The following STARD13 variants were observed in gnomAD, a reference collection of about 807,000 sequenced individuals.
STARD13 encodes StAR related lipid transfer domain containing 13.
Under a neutral mutation model 106.4 loss-of-function variants are expected in STARD13, and 62 were observed. The observed-to-expected ratio is 0.58, with a 90% CI of 0.48 to 0.72. The LOEUF (loss-of-function observed/expected upper bound fraction) is 0.72. Among genes scored for constraint, STARD13 ranks in the 30% least tolerant of loss-of-function variants. The probability of loss-of-function intolerance (pLI) is 0.00; values close to 1 mark genes in which losing one functional copy is unlikely to be tolerated. For missense variants in STARD13, 1,387 were observed against 1,424.0 expected (o/e 0.97, Z 0.42); for synonymous variants, 565 against 553.0 (o/e 1.02, Z -0.31).
chr13:33,110,157 G>T, intron 11 of STARD13, 67 bp from the exon 12 acceptor site: 2 of 1,470,530 alleles, frequency 1.4e-6, no homozygotes, highest in Non-Finnish European at 9.3e-7. Flanking sequence ...TTTTTGTTTG[G>T]GCTTTTAGTT....
the STARD13 span, among the ~76,000 whole-genome samples, chr13:33,397,166 T>G: frequency 6.6e-6 from 1 of 152,294 alleles, no homozygotes; most frequent in East Asian, 1.9e-4. Context: ...GCAACAATTT[T>G]CCATTTCTCT....
chr13:33,423,348 C>T, the STARD13 span, among the ~76,000 whole-genome samples: 1 of 152,282 alleles, frequency 6.6e-6, no homozygotes, highest in Non-Finnish European at 1.5e-5. Context: ...AAAAAATGGT[C>T]ATCATCACTG....
the STARD13 span, among the ~76,000 whole-genome samples, chr13:33,626,898 T>G: frequency 6.6e-6 from 1 of 152,236 alleles, no homozygotes; most frequent in Admixed American, 6.5e-5. Flanking sequence ...AATGACAAGA[T>G]TTGTCCTGCA....
At chr13:33,557,706 C>T in the STARD13 span, among the ~76,000 whole-genome samples, 1 of 152,058 alleles carries the variant, frequency 6.6e-6, no homozygotes, top group Non-Finnish European at 1.5e-5. Flanking sequence ...AAGGGTGAGA[C>T]CTTTGTAGAA....
chr13:33,232,110 C>A (rs1444000543), intron 1 of STARD13, among the ~76,000 whole-genome samples: 1 of 152,112 alleles, frequency 6.6e-6, no homozygotes, highest in Admixed American at 6.5e-5. Flanking sequence ...GTCAGGAGTT[C>A]GAGGCCAGCC....
At chr13:33,132,327 G>T (rs926405945) in intron 4 of STARD13, among the ~76,000 whole-genome samples, 2 of 152,110 alleles carry the variant, frequency 1.3e-5, no homozygotes, top group Non-Finnish European at 2.9e-5. Context: ...TGAATCGTGG[G>T]GGTGGTTCCC....
chr13:33,368,006 TC>T, the STARD13 span, among the ~76,000 whole-genome samples: 2 of 152,152 alleles, frequency 1.3e-5, no homozygotes, highest in Non-Finnish European at 2.9e-5. Context: ...CTCCCCAGCT[TC>T]CCGATAATGT....
At chr13:33,299,207 A>G (rs547499933) in intron 1 of STARD13, among the ~76,000 whole-genome samples, 88 of 152,334 alleles carry the variant, frequency 5.8e-4, no homozygotes, top group Admixed American at 2.7e-3. Flanking sequence ...AGTACATTCT[A>G]TAATGTTCAC....
In STARD13 at chr13:33,111,656, A is replaced by G. The variant is rs1055760895; in HGVS notation, c.2607+122T>C. On this transcript the variant is annotated intron_variant, in intron 10 of 13. Coordinates refer to ENST00000336934, the MANE Select transcript of STARD13 (RefSeq NM_178006.4). ...TGGAAGCAAACACCAGAGCTATAAC[A>G]TATACTATTGTCATAAAATCAGGAA... 31 of 656,720 alleles carry G rather than the reference A, an allele frequency of 4.7e-5. No homozygotes were observed. The Admixed American group carries it at 6.5e-4, about 14-fold the overall frequency. 40.7% of individuals were successfully genotyped at this position (656,720 alleles called of 1,614,324 possible).
chr13:33,421,069 A>G, the STARD13 span, among the ~76,000 whole-genome samples: 1 of 152,222 alleles, frequency 6.6e-6, no homozygotes, highest in Non-Finnish European at 1.5e-5. Flanking sequence ...AAACACATTC[A>G]AAAGCTAGCA....
intron 4 of STARD13, among the ~76,000 whole-genome samples, chr13:33,137,075 C>T (rs775134707): frequency 1.3e-5 from 2 of 152,196 alleles, no homozygotes; most frequent in Non-Finnish European, 2.9e-5. Flanking sequence ...TCAGTACTCA[C>T]CTTTGTGTCA....
chr13:33,104,254 G>A lies in STARD13; in HGVS notation c.*1339C>T, dbSNP rs1287185517. On this transcript the variant is annotated 3_prime_UTR_variant, in exon 14 of 14. Transcript: ENST00000336934. Reference sequence around the variant, plus strand: ...AATAAAAAGCACATTCGATCCATTAGCAGTTGGCTAAAGGGAGTCAATTCG... The same window carrying A: ...AATAAAAAGCACATTCGATCCATTAACAGTTGGCTAAAGGGAGTCAATTCG... The A allele has an allele frequency of 1.3e-5, 2 of 152,176 alleles. No individual in the cohort carries two copies. The highest frequency in any genetic ancestry group is 1.9e-4 in the East Asian group (1 of 5,202). The allele number at this position is 152,176 out of a possible 1,614,324, so 9.4% of individuals were successfully genotyped here. A position where few individuals can be genotyped will look rare whatever the true frequency, so the allele number is the denominator to read the frequency against.
intron 1 of STARD13, among the ~76,000 whole-genome samples, chr13:33,175,715 A>G (rs1021639217): frequency 2.0e-5 from 3 of 152,104 alleles, no homozygotes; most frequent in Non-Finnish European, 4.4e-5. Flanking sequence ...GACAAATCCC[A>G]CCACCACTAG....
the STARD13 span, among the ~76,000 whole-genome samples, chr13:33,385,176 C>T: frequency 7.8e-6 from 1 of 128,268 alleles, no homozygotes; most frequent in Non-Finnish European, 1.6e-5. Context: ...AGTTTCAACA[C>T]ACCTTGGAAA....
intron 1 of STARD13, among the ~76,000 whole-genome samples, chr13:33,170,938 T>C (rs2138392623): frequency 6.6e-6 from 1 of 152,306 alleles, no homozygotes; most frequent in Non-Finnish European, 1.5e-5. Flanking sequence ...TTATTAATTC[T>C]TCATGGCCCC....
the STARD13 span, among the ~76,000 whole-genome samples, chr13:33,391,266 C>A: frequency 6.6e-6 from 1 of 152,110 alleles, no homozygotes; most frequent in East Asian, 1.9e-4. Flanking sequence ...ATCAGCAAGA[C>A]GAAACCCTTC....
chr13:33,659,145 A>G, the STARD13 span, among the ~76,000 whole-genome samples: 1 of 151,922 alleles, frequency 6.6e-6, no homozygotes, highest in Admixed American at 6.6e-5. Context: ...AATTAATGTA[A>G]CACGAAAAGG....
the STARD13 span, among the ~76,000 whole-genome samples, chr13:33,510,127 C>A: frequency 2.0e-5 from 3 of 152,170 alleles, no homozygotes; most frequent in Admixed American, 6.5e-5. Flanking sequence ...TTCTCTCTAC[C>A]AATGTGAAGT....
At chr13:33,332,261 CT>C (rs2077845119) in intron 1 of STARD13, among the ~76,000 whole-genome samples, 1 of 152,170 alleles carries the variant, frequency 6.6e-6, no homozygotes, top group Non-Finnish European at 1.5e-5. Context: ...CTAGAACATT[CT>C]TTCTCCCAGA....
Sources: gnomAD v4.1 joint callset for allele counts (sites outside exome capture counted in the v4.1 genomes callset) on GRCh38, gnomAD v4.1.1 for gene constraint, MANE v1.5 for transcripts, NCBI Gene and HGNC (gene_info 2026-07-23, HGNC 2026-07-21) for gene names.